Variants in IL1RAPL2 observed in about 807,000 individuals in gnomAD.
IL1RAPL2 encodes X-linked interleukin-1 receptor accessory protein-like 2.
IL1RAPL2 carries 3 observed loss-of-function variants against 44.1 expected under a neutral mutation model. That is an observed-to-expected ratio of 0.07 (90% CI 0.03 to 0.18). The LOEUF (loss-of-function observed/expected upper bound fraction) is 0.18, where lower values mean the gene tolerates loss of function less well. IL1RAPL2 is among the 10% of genes least tolerant of loss of function. IL1RAPL2 has a pLI of 1.00. For missense variants in IL1RAPL2, 391 were observed against 496.4 expected, an observed-to-expected ratio of 0.79 and a Z score of 2.02; for synonymous variants, 181 against 178.8, an observed-to-expected ratio of 1.01 and a Z score of -0.10.
intron 5 of IL1RAPL2, among the ~76,000 whole-genome samples, chrX:105,322,706 A>T (rs2034905394): frequency 8.9e-6 from 1 of 111,908 alleles, no homozygotes; most frequent in Admixed American, 9.5e-5. Context: ...GTTTCGCCTC[A>T]TTGGGTCAGG....
At chrX:105,329,065 A>G (rs1430258152) in intron 5 of IL1RAPL2, among the ~76,000 whole-genome samples, 1 of 112,121 alleles carries the variant, frequency 8.9e-6, no homozygotes. Flanking sequence ...AAGGCTATTT[A>G]TTTTTCTTTG....
Position 105,702,385 on chromosome X carries a change from A to C in IL1RAPL2, c.773-14982A>C, listed in dbSNP as rs1442221899. On this transcript the variant is annotated intron_variant, in intron 6 of 10. Transcript: ENST00000372582. ...GGGGAAAATTAAAGTCGACTTAAGC[A>C]TATGTCCTGCCCTCACACAAGGCCA... 2.3e-4 allele frequency among the ~76,000 whole-genome samples: 26 copies of C among 111,574 alleles called. 1 individual carries two copies. The highest frequency in any genetic ancestry group is 7.5e-5 in the Non-Finnish European group (4 of 53,059).
At chrX:104,830,942 G>A (rs1347358600) in intron 2 of IL1RAPL2, among the ~76,000 whole-genome samples, 1 of 111,543 alleles carries the variant, frequency 9.0e-6, no homozygotes, top group Non-Finnish European at 1.9e-5. Context: ...AGCTATTATT[G>A]TGTATGCATG....
intron 2 of IL1RAPL2, among the ~76,000 whole-genome samples, chrX:105,065,291 G>T (rs1173483234): frequency 9.0e-6 from 1 of 111,697 alleles, no homozygotes; most frequent in African/African-American, 3.3e-5. Flanking sequence ...AGATCTTCTT[G>T]GATGGGTTTT....
At chrX:104,706,982 GACAA>G (rs1931373345) in intron 2 of IL1RAPL2, among the ~76,000 whole-genome samples, 1 of 111,429 alleles carries the variant, frequency 9.0e-6, no homozygotes, top group East Asian at 2.8e-4. Flanking sequence ...TATATCCAAT[GACAA>G]AATATCAAAT....
chrX:105,759,058 A>T (rs2038664324), intron 10 of IL1RAPL2, among the ~76,000 whole-genome samples: 1 of 111,895 alleles, frequency 8.9e-6, no homozygotes, highest in African/African-American at 3.3e-5. Context: ...TGCAATTGAG[A>T]TCCTGAGATT....
intron 2 of IL1RAPL2, among the ~76,000 whole-genome samples, chrX:104,807,495 G>GT (rs1417547125): frequency 9.0e-6 from 1 of 111,572 alleles, no homozygotes; most frequent in Non-Finnish European, 1.9e-5. Flanking sequence ...TCTTAGGAGA[G>GT]TTTTTTCCTT....
At chrX:105,204,974 G>T (rs1275650538) in intron 3 of IL1RAPL2, among the ~76,000 whole-genome samples, 1 of 111,896 alleles carries the variant, frequency 8.9e-6, no homozygotes, top group African/African-American at 3.2e-5. Flanking sequence ...TTGAGTAAAT[G>T]CATTGAATGA....
chrX:104,699,612 C>T (rs919457312), intron 2 of IL1RAPL2, among the ~76,000 whole-genome samples: 7 of 112,237 alleles, frequency 6.2e-5, no homozygotes, highest in South Asian at 3.7e-4. Context: ...TACTGGTTCA[C>T]GGCCTGGGGC....
chrX:105,112,135 C>G (rs765607861), intron 2 of IL1RAPL2, among the ~76,000 whole-genome samples: 88 of 111,672 alleles, frequency 7.9e-4, no homozygotes, highest in Non-Finnish European at 1.3e-3. Flanking sequence ...GGAGAACACC[C>G]TTTTCTGAAG....
intron 2 of IL1RAPL2, among the ~76,000 whole-genome samples, chrX:104,761,887 CCTT>C (rs1390618676): frequency 1.9e-5 from 1 of 53,471 alleles, no homozygotes; most frequent in African/African-American, 1.1e-4. Context: ...TTCTCCTTCT[CCTT>C]CTCCTTCTCC....
chrX:105,684,638 G>C (rs185855739), intron 6 of IL1RAPL2, among the ~76,000 whole-genome samples: 3 of 112,687 alleles, frequency 2.7e-5, no homozygotes, highest in African/African-American at 9.6e-5. Context: ...AACTTCTGCA[G>C]ACTTAAACAT....
At chrX:105,482,682 A>G (rs1012938777) in intron 5 of IL1RAPL2, among the ~76,000 whole-genome samples, 2 of 111,517 alleles carry the variant, frequency 1.8e-5, no homozygotes, top group African/African-American at 6.5e-5. Context: ...CCTGTAATCA[A>G]CTTTTATTTC....
intron 2 of IL1RAPL2, among the ~76,000 whole-genome samples, chrX:104,752,544 G>A (rs1932277852): frequency 9.1e-6 from 1 of 110,208 alleles, no homozygotes; most frequent in Non-Finnish European, 1.9e-5. Flanking sequence ...ACTCATGATG[G>A]CAATCATCTA....
chrX:105,507,159 T>C (rs1306240214), intron 6 of IL1RAPL2, among the ~76,000 whole-genome samples: 1 of 111,866 alleles, frequency 8.9e-6, no homozygotes, highest in African/African-American at 3.2e-5. Flanking sequence ...TTTTCCCAAA[T>C]AGATTCATGT....
chrX:105,034,255 T>C (rs6652912), intron 2 of IL1RAPL2, among the ~76,000 whole-genome samples: 2,037 of 112,365 alleles, frequency 0.018, 52 homozygotes, highest in African/African-American at 0.062. Flanking sequence ...AGCTTTGTTC[T>C]GTTGCTGGTG....
At chrX:105,051,257 C>T in intron 2 of IL1RAPL2, among the ~76,000 whole-genome samples, 1 of 54 alleles carries the variant, frequency 0.019, no homozygotes, top group Non-Finnish European at 0.033. Context: ...AGAGGCCAGG[C>T]AGCGGAGCAG....
At chrX:105,666,774 C>T (rs960168819) in intron 6 of IL1RAPL2, among the ~76,000 whole-genome samples, 2 of 111,285 alleles carry the variant, frequency 1.8e-5, no homozygotes, top group Admixed American at 9.5e-5. Context: ...TATGGACAGG[C>T]GCCCCTCATG....
At chrX:104,799,754 C>T (rs1932873261) in intron 2 of IL1RAPL2, among the ~76,000 whole-genome samples, 1 of 111,483 alleles carries the variant, frequency 9.0e-6, no homozygotes, top group South Asian at 3.7e-4. Context: ...TCTATCTATA[C>T]ACTGAAGAAA....
Sources: gnomAD v4.1 joint callset for allele counts (sites outside exome capture counted in the v4.1 genomes callset) on GRCh38, gnomAD v4.1.1 for gene constraint, MANE v1.5 for transcripts, NCBI Gene and HGNC (gene_info 2026-07-23, HGNC 2026-07-21) for gene names.